The following EPB41L4A variants were observed in gnomAD, a reference collection of about 807,000 sequenced individuals.
EPB41L4A encodes band 4.1-like protein 4A.
A neutral mutation model predicts 108.6 loss-of-function variants in EPB41L4A; 100 were observed. The ratio of observed to expected loss-of-function variants is 0.92; its 90% CI spans 0.78 to 1.09. EPB41L4A has a LOEUF of 1.09. EPB41L4A is among the 50% of genes least tolerant of loss of function. The pLI, the probability that EPB41L4A is intolerant of heterozygous loss-of-function variation, is 0.00. For synonymous variants in EPB41L4A, 319 were observed against 289.0 expected (o/e 1.10, Z -1.05); for missense variants, 1,030 against 842.7 (o/e 1.22, Z -2.75).
intron 12 of EPB41L4A, among the ~76,000 whole-genome samples, chr5:112,153,595 A>G (rs1759549840): frequency 6.6e-6 from 1 of 150,506 alleles, no homozygotes; most frequent in African/African-American, 2.4e-5. Context: ...AGAGAGAGAG[A>G]GAGCAAAAAA....
At chr5:112,280,183 TACTAAAGCCCACTTCTGCACCCA>T (rs1361463292) in intron 3 of EPB41L4A, 66 bp downstream of exon 3, 13 of 1,118,636 alleles carry the variant, frequency 1.2e-5, no homozygotes, top group Non-Finnish European at 1.5e-5. Flanking sequence ...CTTTCTCCAG[TACTAAAGCCCACTTCTGCACCCA>T]ACTAATCATG....
At chr5:112,414,435 G>A (rs1229525583) in intron 1 of EPB41L4A, among the ~76,000 whole-genome samples, 2 of 152,214 alleles carry the variant, frequency 1.3e-5, no homozygotes, top group African/African-American at 4.8e-5. Context: ...CATCTGGGGA[G>A]ATTTTTGGTT....
At chr5:112,199,356 T>G (rs970424616) in intron 15 of EPB41L4A, among the ~76,000 whole-genome samples, 1 of 152,172 alleles carries the variant, frequency 6.6e-6, no homozygotes, top group Non-Finnish European at 1.5e-5. Context: ...AAGGGAGACA[T>G]TTGGTATGCA....
intron 2 of EPB41L4A, among the ~76,000 whole-genome samples, chr5:112,303,163 T>C (rs1754476876): frequency 1.3e-5 from 2 of 152,182 alleles, no homozygotes; most frequent in African/African-American, 2.4e-5. Context: ...TTATCAGTCA[T>C]TATAGGTACT....
intron 2 of EPB41L4A, among the ~76,000 whole-genome samples, chr5:112,300,515 T>C (rs1453647632): frequency 6.6e-6 from 1 of 152,228 alleles, no homozygotes; most frequent in African/African-American, 2.4e-5. Context: ...CTGAGAAATC[T>C]GCTGTTAATC....
rs779477165 is a variant in EPB41L4A at position 112,209,890 on chromosome 5, AC to A, written c.1178+1del. On this transcript the variant is annotated splice_donor_variant, in intron 13 of 22. Transcript: ENST00000261486. LOFTEE classifies it high-confidence loss of function. ...TACGTTTCTTCAGTTAACTTCACTGACCTTTTTACTGGTGAAGGTGCAATAA... is the reference window on the plus strand; with the variant it reads ...TACGTTTCTTCAGTTAACTTCACTGACTTTTTACTGGTGAAGGTGCAATAA... 2 of 1,580,906 alleles carry A rather than the reference AC, an allele frequency of 1.3e-6. No homozygotes were observed. Among genetic ancestry groups the A allele is most frequent in the Admixed American group, 1.7e-5 (1 of 58,872 alleles).
At chr5:112,381,895 C>A (rs1281289060) in intron 1 of EPB41L4A, among the ~76,000 whole-genome samples, 1 of 152,224 alleles carries the variant, frequency 6.6e-6, no homozygotes, top group African/African-American at 2.4e-5. Context: ...GAAGGAGGAT[C>A]AGAAGACTGG....
chr5:112,367,346 T>C (rs1759184109), intron 1 of EPB41L4A, among the ~76,000 whole-genome samples: 1 of 152,194 alleles, frequency 6.6e-6, no homozygotes, highest in Non-Finnish European at 1.5e-5. Flanking sequence ...TAAGTTATCT[T>C]AAGAGCCGAT....
chr5:112,152,816 G>A (rs981271725), intron 12 of EPB41L4A, among the ~76,000 whole-genome samples: 9 of 151,718 alleles, frequency 5.9e-5, no homozygotes, highest in Non-Finnish European at 1.0e-4. Flanking sequence ...AAAAATTCTC[G>A]AAGCAAAAAA....
chr5:112,168,892 TAC>T (rs1760407727), intron 21 of EPB41L4A, 72 bp from the exon 22 acceptor site: 1 of 1,497,086 alleles, frequency 6.7e-7, no homozygotes, highest in Admixed American at 1.7e-5. Flanking sequence ...GGAAGAGAAC[TAC>T]AGTGTAGATA....
At chr5:112,384,595 T>TA (rs1223155699) in intron 1 of EPB41L4A, among the ~76,000 whole-genome samples, 1 of 152,034 alleles carries the variant, frequency 6.6e-6, no homozygotes, top group Non-Finnish European at 1.5e-5. Flanking sequence ...AGAAGGTATG[T>TA]ACTACCCGGG....
intron 2 of EPB41L4A, among the ~76,000 whole-genome samples, chr5:112,300,726 C>T (rs935273592): frequency 6.6e-6 from 1 of 152,038 alleles, no homozygotes; most frequent in Non-Finnish European, 1.5e-5. Flanking sequence ...TAGATTATTC[C>T]CCCAAATATG....
At chr5:112,314,536 A>AAG (rs1326329429) in intron 1 of EPB41L4A, among the ~76,000 whole-genome samples, 65 of 113,482 alleles carry the variant, frequency 5.7e-4, no homozygotes, top group African/African-American at 2.0e-3. Context: ...AAAAAAAAAA[A>AAG]AAGAAAAGAA....
chr5:112,214,535 G>A (rs952964538), intron 12 of EPB41L4A, among the ~76,000 whole-genome samples: 8 of 152,002 alleles, frequency 5.3e-5, no homozygotes, highest in African/African-American at 1.2e-4. Flanking sequence ...AGGCCGAGGC[G>A]GGCGGATCAT....
chr5:112,325,470 G>A (rs906720378), intron 1 of EPB41L4A, among the ~76,000 whole-genome samples: 2 of 150,976 alleles, frequency 1.3e-5, no homozygotes, highest in Non-Finnish European at 2.9e-5. Context: ...GGGAGAGTCA[G>A]ATAAATGTGT....
At position 112,367,588 on chromosome 5, in the gene EPB41L4A, G is replaced by A. The variant is rs145302460; in HGVS notation, c.99+51353C>T. 9.6e-4 allele frequency among the ~76,000 whole-genome samples: 146 copies of A among 152,248 alleles called. 1 individual carries two copies. Among genetic ancestry groups the A allele is most frequent in the Middle Eastern group, 3.4e-3 (1 of 294 alleles). ...AGGGCTCCATGACCAGCTCCTTCCA[G>A]GACAGGGAGGTGCCTTCCTTGATTT... On this transcript the variant is annotated intron_variant, in intron 1 of 22. Coordinates refer to ENST00000261486, the MANE Select transcript of EPB41L4A (RefSeq NM_022140.5).
intron 22 of EPB41L4A, among the ~76,000 whole-genome samples, chr5:112,165,712 G>A (rs1029378258): frequency 1.3e-5 from 2 of 152,120 alleles, no homozygotes; most frequent in African/African-American, 4.8e-5. Flanking sequence ...TTACTTCCAA[G>A]GATGGTCTAA....
intron 12 of EPB41L4A, among the ~76,000 whole-genome samples, chr5:112,156,654 G>A (rs1233686204): frequency 6.6e-6 from 1 of 152,150 alleles, no homozygotes; most frequent in Non-Finnish European, 1.5e-5. Context: ...GATGGCTGAA[G>A]ATCCTGTGAT....
intron 1 of EPB41L4A, among the ~76,000 whole-genome samples, chr5:112,352,433 T>C (rs1364317258): frequency 6.6e-6 from 1 of 152,210 alleles, no homozygotes; most frequent in African/African-American, 2.4e-5. Context: ...CTCATGTTAT[T>C]GATTTCTGGC....
Sources: gnomAD v4.1 joint callset for allele counts (sites outside exome capture counted in the v4.1 genomes callset) on GRCh38, gnomAD v4.1.1 for gene constraint, MANE v1.5 for transcripts, NCBI Gene and HGNC (gene_info 2026-07-23, HGNC 2026-07-21) for gene names.